The following CLIC5 variants were observed in gnomAD, a reference collection of about 807,000 sequenced individuals.
The protein encoded by CLIC5 is CLIC family member 5, also known as chloride intracellular channel protein 5.
CLIC5 carries 20 observed loss-of-function variants against 24.7 expected under a neutral mutation model. The ratio of observed to expected loss-of-function variants is 0.81; its 90% CI spans 0.57 to 1.18. CLIC5 has a LOEUF of 1.18. CLIC5 is among the 50% of genes most tolerant of loss of function. The pLI is 0.00. For synonymous variants in CLIC5, 159 were observed against 135.6 expected, an observed-to-expected ratio of 1.17 and a Z score of -1.20; for missense variants, 341 against 326.1, an observed-to-expected ratio of 1.05 and a Z score of -0.35.
At chr6:46,010,801 A>G (rs1233023956) in intron 1 of CLIC5, among the ~76,000 whole-genome samples, 1 of 152,230 alleles carries the variant, frequency 6.6e-6, no homozygotes, top group Non-Finnish European at 1.5e-5. Context: ...CAGGGCAGGC[A>G]AATTTGTGTA....
intron 6 of CLIC5, among the ~76,000 whole-genome samples, chr6:45,885,071 A>G (rs1009127641): frequency 6.6e-6 from 1 of 151,068 alleles, no homozygotes; most frequent in Non-Finnish European, 1.5e-5. Flanking sequence ...ACCGCCCACT[A>G]CCTAATCCAA....
rs116135142 is a variant in CLIC5, at chr6:45,915,272, C to T, written c.407-863G>A. Among the ~76,000 whole-genome samples the T allele has an allele frequency of 5.8e-3, 880 of 152,144 alleles. 6 individuals are homozygous for T. Among genetic ancestry groups the T allele is most frequent in the African/African-American group, 0.02 (811 of 41,506 alleles). ...AAAAGTTTTGGTTATCTATAATTTG[C>T]TAATATTCCACATCAACCTACATAT... On this transcript the variant is annotated intron_variant, in intron 4 of 5. Transcript: ENST00000339561.
At chr6:45,971,409 A>T (rs1209197) in intron 1 of CLIC5, among the ~76,000 whole-genome samples, 1 of 151,962 alleles carries the variant, frequency 6.6e-6, no homozygotes, top group African/African-American at 2.4e-5. Flanking sequence ...GTCTCCACCC[A>T]AACCCCCACC....
At chr6:46,105,008 C>A in the CLIC5 span, among the ~76,000 whole-genome samples, 4 of 152,086 alleles carry the variant, frequency 2.6e-5, no homozygotes, top group Non-Finnish European at 5.9e-5. Context: ...TGACTTTTGG[C>A]TTTTGGGAGT....
intron 1 of CLIC5, among the ~76,000 whole-genome samples, chr6:46,042,811 C>CA (rs558925529): frequency 2.0e-3 from 299 of 152,232 alleles, no homozygotes; most frequent in African/African-American, 6.5e-3. Context: ...GGCACTTAGT[C>CA]AAGGTCACCC....
At chr6:45,988,547 A>T (rs554068242) in intron 1 of CLIC5, among the ~76,000 whole-genome samples, 1 of 152,338 alleles carries the variant, frequency 6.6e-6, no homozygotes, top group African/African-American at 2.4e-5. Context: ...TTTAGGAATC[A>T]TCTGATCCAG....
intron 1 of CLIC5, among the ~76,000 whole-genome samples, chr6:46,022,454 C>CATTCAGAA (rs1214268370): frequency 6.6e-6 from 1 of 152,186 alleles, no homozygotes; most frequent in African/African-American, 2.4e-5. Flanking sequence ...ATTTTGATGA[C>CATTCAGAA]AGCTTCAGAA....
chr6:46,033,827 T>G (rs983061476), intron 1 of CLIC5, among the ~76,000 whole-genome samples: 26 of 152,232 alleles, frequency 1.7e-4, no homozygotes, highest in Non-Finnish European at 3.4e-4. Flanking sequence ...CTCTATTAAA[T>G]AAGAATCAAT....
chr6:45,908,948 G>C (rs748473885), intron 5 of CLIC5, among the ~76,000 whole-genome samples: 1 of 151,816 alleles, frequency 6.6e-6, no homozygotes, highest in Non-Finnish European at 1.5e-5. Flanking sequence ...TGTGAACCTG[G>C]GTGCTCCAGT....
At chr6:45,934,506 G>C (rs1379342520) in intron 4 of CLIC5, among the ~76,000 whole-genome samples, 1 of 152,160 alleles carries the variant, frequency 6.6e-6, no homozygotes, top group Non-Finnish European at 1.5e-5. Flanking sequence ...ACTTAGTGCA[G>C]GTCGCCTGGG....
intron 1 of CLIC5, among the ~76,000 whole-genome samples, chr6:45,962,866 A>G (rs1047742891): frequency 6.6e-6 from 1 of 152,146 alleles, no homozygotes; most frequent in Non-Finnish European, 1.5e-5. Context: ...GCACAGTGCC[A>G]CTGTGTTCAT....
chr6:46,075,022 T>C (rs967725011), intron 1 of CLIC5, among the ~76,000 whole-genome samples: 1 of 152,244 alleles, frequency 6.6e-6, no homozygotes, highest in Non-Finnish European at 1.5e-5. Context: ...TAAAACGTCA[T>C]TTCCTGAATG....
At chr6:45,984,396 G>A (rs1020166851) in intron 1 of CLIC5, among the ~76,000 whole-genome samples, 11 of 152,112 alleles carry the variant, frequency 7.2e-5, no homozygotes, top group African/African-American at 1.7e-4. Context: ...CAGGTGCTCC[G>A]GAACCCAGCT....
chr6:45,957,041 C>T (rs1165171293), intron 1 of CLIC5, among the ~76,000 whole-genome samples: 1 of 152,060 alleles, frequency 6.6e-6, no homozygotes, highest in East Asian at 1.9e-4. Flanking sequence ...TTTAAGACAT[C>T]CCGACACAGG....
chr6:46,118,370 C>T, the CLIC5 span, among the ~76,000 whole-genome samples: 1 of 152,074 alleles, frequency 6.6e-6, no homozygotes, highest in Non-Finnish European at 1.5e-5. Flanking sequence ...GATGATGATG[C>T]CATTTAGGTA....
At chr6:46,023,313 G>A (rs554673600) in intron 1 of CLIC5, among the ~76,000 whole-genome samples, 42 of 152,058 alleles carry the variant, frequency 2.8e-4, no homozygotes, top group Non-Finnish European at 5.3e-4. Flanking sequence ...AACCCTATGA[G>A]GTAGTGTTAT....
intron 1 of CLIC5, among the ~76,000 whole-genome samples, chr6:45,977,595 T>C (rs1765427131): frequency 6.6e-6 from 1 of 152,112 alleles, no homozygotes; most frequent in Non-Finnish European, 1.5e-5. Context: ...GACCCTTTCT[T>C]TTTCCAGGGT....
the CLIC5 span, among the ~76,000 whole-genome samples, chr6:46,128,026 T>C: frequency 4.6e-5 from 7 of 152,186 alleles, no homozygotes; most frequent in Non-Finnish European, 7.3e-5. Context: ...ACTCAACCAG[T>C]CCTGAAGTCT....
chr6:45,926,329 G>A (rs184589104), intron 4 of CLIC5, among the ~76,000 whole-genome samples: 3,251 of 150,284 alleles, frequency 0.022, 125 homozygotes, highest in African/African-American at 0.076. Context: ...CTCACTGCAA[G>A]CTCCACCTCC....
Sources: gnomAD v4.1 joint callset for allele counts (sites outside exome capture counted in the v4.1 genomes callset) on GRCh38, gnomAD v4.1.1 for gene constraint, MANE v1.5 for transcripts, NCBI Gene and HGNC (gene_info 2026-07-23, HGNC 2026-07-21) for gene names.